Variants in GRHL2 observed in about 807,000 individuals in gnomAD.
GRHL2 encodes grainyhead like transcription factor 2.
A neutral mutation model predicts 83.8 loss-of-function variants in GRHL2; 21 were observed. The observed-to-expected ratio is 0.25, with a 90% CI of 0.18 to 0.36. The LOEUF (loss-of-function observed/expected upper bound fraction) is 0.36, where lower values mean the gene tolerates loss of function less well. GRHL2 is among the 10% of genes least tolerant of loss of function. The pLI is 1.00. For missense variants in GRHL2, 623 were observed against 781.8 expected, an observed-to-expected ratio of 0.80 and a Z score of 2.42; for synonymous variants, 280 against 278.9, an observed-to-expected ratio of 1.00 and a Z score of -0.04.
chr8:101,532,529 A>G (rs578123192), intron 1 of GRHL2, among the ~76,000 whole-genome samples: 52 of 152,148 alleles, frequency 3.4e-4, no homozygotes, highest in Non-Finnish European at 6.0e-4. Flanking sequence ...AGGTGGGCGG[A>G]TCACGAGGTC....
intron 7 of GRHL2, among the ~76,000 whole-genome samples, chr8:101,582,135 G>T: frequency 6.6e-6 from 1 of 151,322 alleles, no homozygotes; most frequent in East Asian, 1.9e-4. Context: ...CTACCTGGGA[G>T]ACTGAGGCAG....
intron 4 of GRHL2, among the ~76,000 whole-genome samples, chr8:101,560,318 A>G (rs568704837): frequency 6.6e-6 from 1 of 152,264 alleles, no homozygotes; most frequent in Non-Finnish European, 1.5e-5. Context: ...GTGAGCCACT[A>G]CGCCCAGCCT....
chr8:101,658,320 A>G (rs928909951), intron 14 of GRHL2, among the ~76,000 whole-genome samples: 2 of 152,190 alleles, frequency 1.3e-5, no homozygotes, highest in African/African-American at 4.8e-5. Flanking sequence ...GAGAATCTAA[A>G]GCCATCTGCC....
At position 101,632,353 on chromosome 8, in the gene GRHL2, G is replaced by A; in HGVS notation, c.1473G>A (p.Gln491=). ...CTGATGTTCACTTTGCAAACCTGCA[G>A]AGGACCGGACAGGTATGACCTACCA... ...FIPDVHFANL[Q]RTGQVYYNTD... Residue 491 remains glutamine, a synonymous_variant, in exon 11 of 16, where the codon CAG becomes CAA. Coordinates refer to ENST00000646743, the MANE Select transcript of GRHL2 (RefSeq NM_024915.4). 6.2e-7 allele frequency: 1 copy of A among 1,613,936 alleles called. No homozygotes were observed. Among genetic ancestry groups the A allele is most frequent in the African/African-American group, 1.3e-5 (1 of 75,024 alleles).
At chr8:101,652,341 A>C (rs141732933) in intron 14 of GRHL2, among the ~76,000 whole-genome samples, 1 of 73,908 alleles carries the variant, frequency 1.4e-5, no homozygotes, top group African/African-American at 7.6e-5. Flanking sequence ...GTGTGTGTGT[A>C]TGTGTGTGGT....
intron 7 of GRHL2, 147 bp downstream of exon 7, chr8:101,577,666 C>G (rs1811960884): frequency 1.1e-5 from 8 of 696,102 alleles, no homozygotes; most frequent in African/African-American, 7.0e-5. Flanking sequence ...ACATTTAGTG[C>G]AGATCAGACT....
rs747671817 is a variant in GRHL2 at position 101,543,338 on chromosome 8, T to C, written c.118T>C (p.Leu40=). Reference sequence around the variant, plus strand: ...TGAGGATGAAGCCTGGAAGTCATACTTGGAGAATCCCCTGACAGCAGCCAC... The same window carrying C: ...TGAGGATGAAGCCTGGAAGTCATACCTGGAGAATCCCCTGACAGCAGCCAC... The part of the protein sequence containing the change: ...TSEDEAWKSY[L]ENPLTAATKA... The change falls in exon 2 of 16, where the codon TTG becomes CTG. Residue 40 remains leucine (L), a synonymous_variant. Transcript: ENST00000646743. 4 of 1,614,042 alleles carry C rather than the reference T, an allele frequency of 2.5e-6. No individual in the cohort carries two copies. The highest frequency in any genetic ancestry group is 3.4e-6 in the Non-Finnish European group (4 of 1,180,004).
intron 7 of GRHL2, among the ~76,000 whole-genome samples, chr8:101,586,519 C>T (rs1047118268): frequency 4.6e-5 from 7 of 152,180 alleles, no homozygotes; most frequent in Non-Finnish European, 8.8e-5. Context: ...CAGGTAGAGT[C>T]CACTGTTCCC....
In GRHL2 at chr8:101,558,861, A is replaced by G. The variant is rs1271001958; in HGVS notation, c.678+49A>G. On this transcript the variant is annotated intron_variant, in intron 4 of 15. Transcript: ENST00000646743. Reference sequence around the variant, plus strand: ...GCCAGAACCCAAACCCAGAGCCCCTAGCTAATTTTTTTCTATTTCCTTTCA... The same window carrying G: ...GCCAGAACCCAAACCCAGAGCCCCTGGCTAATTTTTTTCTATTTCCTTTCA... The G allele has an allele frequency of 1.9e-6, 3 of 1,593,262 alleles. No homozygotes were observed. In the South Asian group the frequency reaches 3.4e-5, roughly 18 times the overall value.
At chr8:101,553,623 CTTT>C (rs1184533206) in intron 3 of GRHL2, among the ~76,000 whole-genome samples, 2,607 of 106,788 alleles carry the variant, frequency 0.024, 44 homozygotes, top group African/African-American at 0.09. Flanking sequence ...TCATCCACTT[CTTT>C]TTTTTTTTTT....
chr8:101,574,452 C>T (rs1447052090), intron 6 of GRHL2, among the ~76,000 whole-genome samples: 2 of 152,230 alleles, frequency 1.3e-5, no homozygotes, highest in Non-Finnish European at 2.9e-5. Context: ...TAATCCTTCT[C>T]TACTGAAAAG....
chr8:101,644,146 T>G lies in GRHL2; in HGVS notation c.1533T>G (p.Val511=). The G allele has an allele frequency of 6.2e-7, 1 of 1,614,138 alleles. No individual in the cohort carries two copies. The highest frequency in any genetic ancestry group is 8.5e-7 in the Non-Finnish European group (1 of 1,179,962). Residue 511 remains valine (V), a synonymous_variant, in exon 13 of 16, where the codon GTT becomes GTG. Transcript: ENST00000646743. The part of the protein sequence containing the change: ...DDEREGGSVL[V]KRMFRPMEEE... ...TCTTTTCTAGTGGCAGTGTCCTTGT[T>G]AAACGGATGTTCCGGCCCATGGAAG... is the stretch of plus-strand genomic sequence containing the variant.
At chr8:101,500,482 G>C (rs1810204123) in intron 1 of GRHL2, among the ~76,000 whole-genome samples, 2 of 152,136 alleles carry the variant, frequency 1.3e-5, no homozygotes, top group South Asian at 4.1e-4. Context: ...ATGGTAAACT[G>C]TATTATAATA....
chr8:101,603,588 G>A (rs1812563225), intron 8 of GRHL2, among the ~76,000 whole-genome samples: 1 of 152,222 alleles, frequency 6.6e-6, no homozygotes, highest in Non-Finnish European at 1.5e-5. Flanking sequence ...TAGTTAAAAT[G>A]AGGTTTGGGG....
intron 1 of GRHL2, among the ~76,000 whole-genome samples, chr8:101,499,643 T>C (rs1465835682): frequency 6.6e-6 from 1 of 152,222 alleles, no homozygotes; most frequent in African/African-American, 2.4e-5. Flanking sequence ...AGGTTTAACC[T>C]TGGAAAAATT....
At chr8:101,559,174 G>C (rs1811551383) in intron 4 of GRHL2, among the ~76,000 whole-genome samples, 1 of 151,860 alleles carries the variant, frequency 6.6e-6, no homozygotes, top group Non-Finnish European at 1.5e-5. Flanking sequence ...CCTTCCAAAT[G>C]GTAGGTAGCT....
intron 9 of GRHL2, 49 bp downstream of exon 9, chr8:101,619,746 T>C (rs984507444): frequency 1.6e-5 from 22 of 1,374,436 alleles, no homozygotes; most frequent in Non-Finnish European, 2.0e-5. Flanking sequence ...TTATTAGATA[T>C]TACTTTTAAT....
chr8:101,503,801 A>T (rs181903429), intron 1 of GRHL2, among the ~76,000 whole-genome samples: 1 of 152,356 alleles, frequency 6.6e-6, no homozygotes, highest in East Asian at 1.9e-4. Context: ...TTCATGATGT[A>T]TTATATCAGA....
chr8:101,503,106 A>G (rs982663010), intron 1 of GRHL2, among the ~76,000 whole-genome samples: 2 of 152,196 alleles, frequency 1.3e-5, no homozygotes, highest in Admixed American at 6.5e-5. Context: ...TATAGAATTT[A>G]AAAGTCTCTG....
Sources: gnomAD v4.1 joint callset for allele counts (sites outside exome capture counted in the v4.1 genomes callset) on GRCh38, gnomAD v4.1.1 for gene constraint, MANE v1.5 for transcripts, NCBI Gene and HGNC (gene_info 2026-07-23, HGNC 2026-07-21) for gene names.